ADNP: variants seen among roughly 807,000 people sequenced by gnomAD.
ADNP encodes activity dependent neuroprotector homeobox, also known as activity-dependent neuroprotector homeobox protein.
In ADNP, 4 loss-of-function variants were observed where a neutral mutation model predicts 84.9. That is an observed-to-expected ratio of 0.05 (90% CI 0.02 to 0.11). The LOEUF is 0.11. Among genes scored for constraint, ADNP ranks in the 10% least tolerant of loss-of-function variants. The pLI is 1.00. For missense variants in ADNP, 1,132 were observed against 1,326.0 expected (o/e 0.85, Z 2.27); for synonymous variants, 554 against 468.1 (o/e 1.18, Z -2.37).
rs1270940971 is a variant in ADNP at position 50,903,657 on chromosome 20, G to A, written c.108+232C>T. On this transcript the variant is annotated intron_variant, in intron 4 of 5. Transcript: ENST00000621696. ...ACAACTTTACGGCACCTAGTTCAAC[G>A]CCTGACATGCTTAAGTCCTCAATGG... 3.3e-5 allele frequency among the ~76,000 whole-genome samples: 5 copies of A among 152,182 alleles called. No homozygotes were observed. In the East Asian group the frequency reaches 5.8e-4, roughly 18 times the overall value.
chr20:50,900,901 C>CA (rs1264604754), intron 5 of ADNP, among the ~76,000 whole-genome samples: 2 of 152,134 alleles, frequency 1.3e-5, no homozygotes, highest in Non-Finnish European at 2.9e-5. Context: ...AAGAACACTT[C>CA]AAAAGAGCTA....
At chr20:50,922,908 A>G (rs1568744549) in intron 2 of ADNP, among the ~76,000 whole-genome samples, 1 of 151,916 alleles carries the variant, frequency 6.6e-6, no homozygotes, top group Non-Finnish European at 1.5e-5. Context: ...AAAGCTTCAT[A>G]TAGGAAACCT....
chr20:50,900,095 C>G (rs2122808313), intron 5 of ADNP, among the ~76,000 whole-genome samples: 1 of 152,246 alleles, frequency 6.6e-6, no homozygotes, highest in South Asian at 2.1e-4. Flanking sequence ...CCTTCATATT[C>G]AGTCACCACT....
chr20:50,901,468 C>T (rs1413409424), intron 5 of ADNP, among the ~76,000 whole-genome samples: 4 of 151,922 alleles, frequency 2.6e-5, no homozygotes, highest in Admixed American at 2.6e-4. Flanking sequence ...ACAATTACCT[C>T]TCTCTATGCA....
intron 2 of ADNP, among the ~76,000 whole-genome samples, chr20:50,923,293 CAG>C (rs964483910): frequency 6.6e-6 from 1 of 152,180 alleles, no homozygotes; most frequent in Non-Finnish European, 1.5e-5. Flanking sequence ...CGAAACTACT[CAG>C]AAATAATTTC....
chr20:50,897,856 A>G (rs1244964321), intron 5 of ADNP, among the ~76,000 whole-genome samples: 1 of 152,228 alleles, frequency 6.6e-6, no homozygotes, highest in African/African-American at 2.4e-5. Flanking sequence ...TCCACTTCGC[A>G]GGCATATCTA....
At chr20:50,897,887 G>C (rs541738711) in intron 5 of ADNP, among the ~76,000 whole-genome samples, 6 of 152,312 alleles carry the variant, frequency 3.9e-5, no homozygotes, top group Non-Finnish European at 8.8e-5. Context: ...CATCTTGAAA[G>C]AGGAGCAGGG....
At chr20:50,927,263 T>G (rs534830565) in intron 2 of ADNP, among the ~76,000 whole-genome samples, 19 of 152,218 alleles carry the variant, frequency 1.2e-4, no homozygotes, top group African/African-American at 4.6e-4. Context: ...ATCAATGACT[T>G]CCAAGGTTGG....
rs11299078 is a variant in ADNP, at chr20:50,890,034, A to ATTT, written c.*1368_*1370dup. 2,256 of 337,960 alleles carry ATTT rather than the reference A, an allele frequency of 6.7e-3. 43 individuals carry two copies. The highest frequency in any genetic ancestry group is 0.044 in the African/African-American group (2,030 of 45,946). 20.9% of individuals were successfully genotyped at this position (337,960 alleles called of 1,614,324 possible). A position where few individuals can be genotyped will look rare whatever the true frequency, so the allele number is the denominator to read the frequency against. ...CAAATTAATGCCAATCCATGTTTAC[A>ATTT]TTTTTTTTTTTATCATTGAGACATT... is the stretch of plus-strand genomic sequence containing the variant. On this transcript the variant is annotated 3_prime_UTR_variant, in exon 6 of 6. Coordinates refer to ENST00000621696, the MANE Select transcript of ADNP (RefSeq NM_001282531.3).
At chr20:50,919,278 C>T (rs1272055847) in intron 2 of ADNP, among the ~76,000 whole-genome samples, 6 of 96,244 alleles carry the variant, frequency 6.2e-5, no homozygotes, top group African/African-American at 5.0e-4. Context: ...TGAAAAAATA[C>T]ATATATTTAA....
At chr20:50,923,806 C>T (rs968948280) in intron 2 of ADNP, among the ~76,000 whole-genome samples, 18 of 152,204 alleles carry the variant, frequency 1.2e-4, no homozygotes, top group African/African-American at 3.6e-4. Flanking sequence ...ATGTAAGCCA[C>T]CGCACCCATC....
At chr20:50,919,306 T>C (rs1429967852) in intron 2 of ADNP, among the ~76,000 whole-genome samples, 2 of 136,760 alleles carry the variant, frequency 1.5e-5, no homozygotes, top group African/African-American at 6.1e-5. Context: ...TATATATATA[T>C]ATATATATAT....
intron 5 of ADNP, among the ~76,000 whole-genome samples, chr20:50,899,505 C>T (rs949171574): frequency 3.3e-5 from 5 of 152,034 alleles, no homozygotes; most frequent in African/African-American, 7.3e-5. Context: ...GCCCAGCGCC[C>T]GGCCGGTAAT....
chr20:50,903,104 T>C (rs529613210), intron 4 of ADNP, among the ~76,000 whole-genome samples: 28 of 152,330 alleles, frequency 1.8e-4, no homozygotes, highest in African/African-American at 6.0e-4. Context: ...CTGTGCTAGG[T>C]GCTGGGGCTA....
chr20:50,896,040 C>A (rs996323949), intron 5 of ADNP, among the ~76,000 whole-genome samples: 1 of 151,886 alleles, frequency 6.6e-6, no homozygotes, highest in African/African-American at 2.4e-5. Context: ...GCCTGACCAA[C>A]ATGGTGAAAC....
At chr20:50,920,262 C>CAAAAAAAAAAAAAAA (rs56181933) in intron 2 of ADNP, among the ~76,000 whole-genome samples, 1 of 64,552 alleles carries the variant, frequency 1.5e-5, no homozygotes, top group Non-Finnish European at 2.8e-5. Context: ...ATTCCACCTC[C>CAAAAAAAAAAAAAAA]AAAAAAAAAA....
chr20:50,910,481 G>A (rs1982923958), intron 2 of ADNP, among the ~76,000 whole-genome samples: 1 of 152,164 alleles, frequency 6.6e-6, no homozygotes, highest in South Asian at 2.1e-4. Flanking sequence ...TAGATATACA[G>A]GCGGCTGAGG....
Position 50,892,003 on chromosome 20 carries a change from G to C in ADNP, c.2711C>G (p.Ser904Cys). The change falls in exon 6 of 6, where the codon TCT (serine) becomes TGT (cysteine). Residue 904 changes from serine (S) to cysteine (C), a missense_variant. Ser to Cys is a moderately radical substitution (Grantham distance 112). This residue lies in a region of ADNP where 381 missense variants were observed against 319.9 expected (regional missense o/e 1.19). Transcript: ENST00000621696. The stretch of plus-strand genomic sequence containing the variant: ...TACATGTTCCTCTGGGTTATCGTTA[G>C]AGATTTTAGGTTCAACTTCAAAAAC... ...DPVFEVEPKI[S>C]NDNPEEHVLK... The C allele has an allele frequency of 6.2e-7, 1 of 1,614,148 alleles. No individual in the cohort carries two copies. The highest frequency in any genetic ancestry group is 8.5e-7 in the Non-Finnish European group (1 of 1,180,042).
intron 2 of ADNP, among the ~76,000 whole-genome samples, chr20:50,908,097 T>C (rs1242508311): frequency 6.6e-6 from 1 of 151,254 alleles, no homozygotes; most frequent in Non-Finnish European, 1.5e-5. Context: ...GCAGCTGAAG[T>C]AACAGTCATA....
Sources: allele counts gnomAD v4.1 joint callset (sites outside exome capture counted in the v4.1 genomes callset), GRCh38; gene constraint gnomAD v4.1.1; regional missense constraint gnomAD v4.1.1; transcripts MANE v1.5; gene names NCBI Gene and HGNC (gene_info 2026-07-23, HGNC 2026-07-21).